The following MYCBP2 variants were observed in gnomAD, a reference collection of about 807,000 sequenced individuals.
MYCBP2 encodes the protein E3 ubiquitin-protein ligase MYCBP2.
A neutral mutation model predicts 525.3 loss-of-function variants in MYCBP2; 120 were observed. The observed-to-expected ratio is 0.23, with a 90% CI of 0.20 to 0.27. The LOEUF (loss-of-function observed/expected upper bound fraction) is 0.27. MYCBP2 is among the 10% of genes least tolerant of loss of function. The probability of loss-of-function intolerance (pLI) is 1.00; values close to 1 mark genes in which losing one functional copy is unlikely to be tolerated. For missense variants in MYCBP2, 4,149 were observed against 5,657.1 expected (o/e 0.73, Z 8.55); for synonymous variants, 1,894 against 1,955.8 (o/e 0.97, Z 0.83).
intron 52 of MYCBP2, among the ~76,000 whole-genome samples, chr13:77,130,980 AATG>A (rs1217941232): frequency 6.6e-6 from 1 of 152,216 alleles, no homozygotes; most frequent in Non-Finnish European, 1.5e-5. Flanking sequence ...CAACATGTAC[AATG>A]ATATTTTAAA....
chr13:77,281,270 A>C (rs888795500), intron 3 of MYCBP2, among the ~76,000 whole-genome samples: 3 of 152,324 alleles, frequency 2.0e-5, no homozygotes, highest in African/African-American at 4.8e-5. Flanking sequence ...TGACAAAAGA[A>C]ATAAAAATGT....
intron 66 of MYCBP2, chr13:77,077,597 G>A: frequency 1.8e-6 from 1 of 540,724 alleles, no homozygotes; most frequent in Non-Finnish European, 3.1e-6. Flanking sequence ...AAGAAACTAA[G>A]GTTAATACAG....
intron 17 of MYCBP2, among the ~76,000 whole-genome samples, chr13:77,237,710 T>C (rs1222035629): frequency 2.0e-5 from 3 of 152,032 alleles, no homozygotes; most frequent in African/African-American, 4.8e-5. Flanking sequence ...CCAATATCTA[T>C]CACAGTATGA....
At chr13:77,281,018 A>T (rs778265545) in intron 3 of MYCBP2, among the ~76,000 whole-genome samples, 5 of 152,268 alleles carry the variant, frequency 3.3e-5, no homozygotes, top group African/African-American at 9.6e-5. Context: ...CACAGAGGTA[A>T]CAGACATGTT....
At chr13:77,247,564 G>A (rs907886291) in intron 15 of MYCBP2, among the ~76,000 whole-genome samples, 3 of 152,118 alleles carry the variant, frequency 2.0e-5, no homozygotes, top group African/African-American at 7.2e-5. Context: ...TTACAAAATA[G>A]AAAAACCTAT....
intron 2 of MYCBP2, among the ~76,000 whole-genome samples, chr13:77,289,777 T>C (rs1200628587): frequency 6.6e-6 from 1 of 152,108 alleles, no homozygotes; most frequent in Non-Finnish European, 1.5e-5. Context: ...TAAAAAAACA[T>C]GTAGAGAATC....
chr13:77,049,124 A>G (rs147308178), intron 82 of MYCBP2, among the ~76,000 whole-genome samples: 2 of 152,034 alleles, frequency 1.3e-5, no homozygotes, highest in African/African-American at 4.8e-5. Context: ...AGCTCAAGTC[A>G]TCTAGAGTCA....
At chr13:77,161,804 T>G in intron 44 of MYCBP2, 102 bp downstream of exon 44, 1 of 834,542 alleles carries the variant, frequency 1.2e-6, no homozygotes, top group South Asian at 1.7e-5. Flanking sequence ...AGTGAAGTAC[T>G]TAATGAATGA....
rs963284340 is a variant in MYCBP2, at chr13:77,206,659, T to C, written c.3583A>G (p.Ile1195Val). 1.9e-6 allele frequency: 3 copies of C among 1,580,634 alleles called. No homozygotes were observed. The highest frequency in any genetic ancestry group is 2.3e-5 in the East Asian group (1 of 44,322). The part of the protein sequence containing the change: ...LTTRSHAALH[I>V]LGCLDTLAAM... The stretch of plus-strand genomic sequence containing the variant: ...CATCAAATCGCAACCCTACCTAAAA[T>C]GTGCAAAGCTGCATGAGATCGGGTA... Residue 1195 changes from isoleucine (I) to valine (V), a missense_variant, in exon 24 of 83, where the codon ATT (isoleucine) becomes GTT (valine). Ile to Val is a conservative substitution (Grantham distance 29). Around this residue, in one of 21 missense-constraint regions of MYCBP2, gnomAD observed 620 missense variants for 795.5 expected, o/e 0.78. Coordinates refer to ENST00000544440, the MANE Select transcript of MYCBP2 (RefSeq NM_015057.5).
At position 77,164,559 on chromosome 13, in the gene MYCBP2, AT is replaced by A; in HGVS notation, c.6460-19del. ...ATGACTCCCTATGGAATTGCATAAA[AT>A]TTGCTGCTTTAAAAATGTTTGAATG... On this transcript the variant is annotated intron_variant, in intron 42 of 82. Coordinates refer to ENST00000544440, the MANE Select transcript of MYCBP2 (RefSeq NM_015057.5). The A allele has an allele frequency of 1.3e-6, 2 of 1,488,520 alleles. No individual in the cohort carries two copies. Among genetic ancestry groups the A allele is most frequent in the South Asian group, 2.3e-5 (2 of 87,466 alleles). 92.2% of individuals were successfully genotyped at this position (1,488,520 alleles called of 1,614,324 possible). A position where few individuals can be genotyped will look rare whatever the true frequency, so the allele number is the denominator to read the frequency against.
At chr13:77,244,090 C>A in intron 15 of MYCBP2, 139 bp from the exon 16 acceptor site, 1 of 926,032 alleles carries the variant, frequency 1.1e-6, no homozygotes, top group Non-Finnish European at 1.5e-6. Flanking sequence ...CTTTAGATCA[C>A]GATTGTTCAT....
chr13:77,254,875 T>C (rs1343683158), intron 14 of MYCBP2, among the ~76,000 whole-genome samples: 1 of 152,066 alleles, frequency 6.6e-6, no homozygotes, highest in Admixed American at 6.6e-5. Flanking sequence ...GTTTATTTTA[T>C]TGCAGTTAAC....
intron 4 of MYCBP2, among the ~76,000 whole-genome samples, chr13:77,277,746 C>T (rs918495361): frequency 3.3e-5 from 5 of 152,096 alleles, no homozygotes; most frequent in African/African-American, 7.2e-5. Context: ...GGGAAGTCCC[C>T]GATAACTCTG....
In MYCBP2 at chr13:77,096,489, C is replaced by T; in HGVS notation, c.9785-8G>A. 1 of 1,612,604 alleles carries T rather than the reference C, an allele frequency of 6.2e-7. No homozygotes were observed. The highest frequency in any genetic ancestry group is 8.5e-7 in the Non-Finnish European group (1 of 1,179,176). The stretch of plus-strand genomic sequence containing the variant: ...CAGCATATCGGCCACAACCTTGAAA[C>T]AATACCAAAAATAAATATTTAACAC... On this transcript the variant is annotated splice_polypyrimidine_tract_variant and splice_region_variant and intron_variant, in intron 56 of 82. Coordinates refer to ENST00000544440, the MANE Select transcript of MYCBP2 (RefSeq NM_015057.5).
rs1566719488 is a variant in MYCBP2 at position 77,151,062 on chromosome 13, G to C, written c.6916-113C>G. 4 of 868,878 alleles carry C rather than the reference G, an allele frequency of 4.6e-6. No homozygotes were observed. The East Asian group carries it at 7.9e-5, about 17-fold the overall frequency. 53.8% of individuals were successfully genotyped at this position (868,878 alleles called of 1,614,324 possible). Reference sequence around the variant, plus strand: ...ATTATGTATACTTTATGTTAGCATTGGTCTGTCTCTGGCATTCCCTTCAAA... The same window carrying C: ...ATTATGTATACTTTATGTTAGCATTCGTCTGTCTCTGGCATTCCCTTCAAA... On this transcript the variant is annotated intron_variant, in intron 46 of 82. Coordinates refer to ENST00000544440, the MANE Select transcript of MYCBP2 (RefSeq NM_015057.5).
intron 1 of MYCBP2, among the ~76,000 whole-genome samples, chr13:77,298,343 A>T (rs571854477): frequency 1.3e-5 from 2 of 151,966 alleles, no homozygotes; most frequent in Admixed American, 6.6e-5. Context: ...CCTAATATAC[A>T]CTCTCATTCA....
At chr13:77,149,603 A>C (rs913055650) in intron 47 of MYCBP2, among the ~76,000 whole-genome samples, 10 of 152,184 alleles carry the variant, frequency 6.6e-5, no homozygotes, top group African/African-American at 2.2e-4. Context: ...AGGTCTGTAC[A>C]TCTAACTTTG....
intron 27 of MYCBP2, among the ~76,000 whole-genome samples, chr13:77,192,321 T>C (rs1044092874): frequency 3.9e-5 from 6 of 152,212 alleles, no homozygotes; most frequent in African/African-American, 4.8e-5. Context: ...AAAACTGTGG[T>C]GAAAATAATA....
chr13:77,050,176 G>A (rs2036483717), intron 82 of MYCBP2, among the ~76,000 whole-genome samples: 1 of 152,150 alleles, frequency 6.6e-6, no homozygotes, highest in African/African-American at 2.4e-5. Flanking sequence ...AGGGAGTGCT[G>A]AAGGGTTGAT....
Sources: allele counts gnomAD v4.1 joint callset (sites outside exome capture counted in the v4.1 genomes callset), GRCh38; gene constraint gnomAD v4.1.1; regional missense constraint gnomAD v4.1.1; transcripts MANE v1.5; gene names NCBI Gene and HGNC (gene_info 2026-07-23, HGNC 2026-07-21).